The following FGF13 variants were observed in gnomAD, a reference collection of about 807,000 sequenced individuals.
FGF13 encodes fibroblast growth factor 13, also known as fibroblast growth factor homologous factor 2.
A neutral mutation model predicts 19.5 loss-of-function variants in FGF13; 2 were observed. The observed-to-expected ratio is 0.10, with a 90% CI of 0.04 to 0.32. FGF13 has a LOEUF of 0.32. FGF13 is among the 10% of genes least tolerant of loss of function. FGF13 has a pLI of 1.00. For synonymous variants in FGF13, 72 were observed against 76.9 expected (o/e 0.94, Z 0.33); for missense variants, 113 against 192.7 (o/e 0.59, Z 2.45).
At chrX:138,838,051 A>G (rs1267687513) in intron 3 of FGF13, among the ~76,000 whole-genome samples, 2 of 112,115 alleles carry the variant, frequency 1.8e-5, no homozygotes, top group Non-Finnish European at 3.8e-5. Flanking sequence ...AGACTCTCCA[A>G]AGCTTACAGT....
At chrX:138,679,552 A>C (rs2124187707) in intron 3 of FGF13, among the ~76,000 whole-genome samples, 1 of 112,232 alleles carries the variant, frequency 8.9e-6, no homozygotes, top group East Asian at 2.8e-4. Context: ...GTGTCACATG[A>C]ATTTTGCTTT....
chrX:138,691,811 G>C (rs2089841336), intron 3 of FGF13, among the ~76,000 whole-genome samples: 1 of 112,071 alleles, frequency 8.9e-6, no homozygotes, highest in Non-Finnish European at 1.9e-5. Context: ...GTCAAAAGTA[G>C]TTAGCATCAG....
chrX:138,773,109 A>G (rs756972952), intron 3 of FGF13, among the ~76,000 whole-genome samples: 223 of 111,472 alleles, frequency 2.0e-3, no homozygotes, highest in African/African-American at 6.5e-3. Context: ...GAGGTGATTG[A>G]ATGAATGATC....
intron 1 of FGF13, among the ~76,000 whole-genome samples, chrX:138,905,590 T>A (rs766928595): frequency 6.3e-5 from 7 of 111,953 alleles, no homozygotes; most frequent in Non-Finnish European, 1.1e-4. Context: ...CTAGGTGTGA[T>A]TTTGTGGTCT....
chrX:139,085,735 A>C (rs1031200275), intron 1 of FGF13, among the ~76,000 whole-genome samples: 1 of 112,265 alleles, frequency 8.9e-6, no homozygotes, highest in African/African-American at 3.2e-5. Context: ...TGTCAAAAAA[A>C]AGCCTAGTTG....
chrX:138,847,786 C>T lies in FGF13; in HGVS notation c.217+9726G>A, dbSNP rs181885073. On this transcript the variant is annotated intron_variant, in intron 3 of 6. Transcript: ENST00000436198. ...AGAGTCAAGTTTCACATATGGGCTG[C>T]TGTAATCCTTTTATGCTGCAGTAGC... is the stretch of plus-strand genomic sequence containing the variant. 4.5e-5 allele frequency among the ~76,000 whole-genome samples: 5 copies of T among 111,851 alleles called. No homozygotes were observed. In the East Asian group the frequency reaches 1.1e-3, roughly 25 times the overall value.
intron 3 of FGF13, among the ~76,000 whole-genome samples, chrX:138,694,142 G>A (rs747827189): frequency 2.7e-4 from 30 of 111,509 alleles, no homozygotes; most frequent in Non-Finnish European, 4.3e-4. Context: ...TTAGGTCTTC[G>A]ATTGTCACAC....
At chrX:138,940,622 G>A (rs2124272263) in intron 1 of FGF13, among the ~76,000 whole-genome samples, 1 of 111,851 alleles carries the variant, frequency 8.9e-6, no homozygotes, top group African/African-American at 3.2e-5. Flanking sequence ...GTGTAAGGAA[G>A]GGGTCAAGTT....
chrX:139,154,183 G>A (rs904940361), intron 1 of FGF13, among the ~76,000 whole-genome samples: 2 of 111,502 alleles, frequency 1.8e-5, no homozygotes, highest in African/African-American at 6.5e-5. Context: ...AGGTCCCATT[G>A]GTGAGAAAAT....
At chrX:138,920,118 T>C (rs1222306732) in intron 1 of FGF13, among the ~76,000 whole-genome samples, 1 of 110,205 alleles carries the variant, frequency 9.1e-6, no homozygotes, top group East Asian at 2.9e-4. Flanking sequence ...CAAGTGAGAG[T>C]AGGTAATATT....
intron 1 of FGF13, among the ~76,000 whole-genome samples, chrX:139,193,090 G>A (rs2084344818): frequency 9.1e-6 from 1 of 109,789 alleles, no homozygotes. Flanking sequence ...TTAAGTTGGG[G>A]TATGACTGTC....
At chrX:138,916,381 G>T (rs1468371392) in intron 1 of FGF13, among the ~76,000 whole-genome samples, 2 of 111,742 alleles carry the variant, frequency 1.8e-5, no homozygotes, top group African/African-American at 6.5e-5. Context: ...CTAGATCAAA[G>T]AAGAAACAGT....
At chrX:139,014,777 T>C (rs975590035) in intron 1 of FGF13, among the ~76,000 whole-genome samples, 1 of 111,408 alleles carries the variant, frequency 9.0e-6, no homozygotes, top group Non-Finnish European at 1.9e-5. Context: ...ATGAAAACTA[T>C]AGGCCACTAT....
chrX:139,129,645 C>G (rs2083746478), intron 1 of FGF13, among the ~76,000 whole-genome samples: 1 of 111,455 alleles, frequency 9.0e-6, no homozygotes, highest in South Asian at 3.8e-4. Flanking sequence ...AAAATTCTCA[C>G]ATTTCTTTAT....
intron 1 of FGF13, among the ~76,000 whole-genome samples, chrX:139,192,526 T>A (rs1396949870): frequency 8.9e-6 from 1 of 112,236 alleles, no homozygotes; most frequent in Non-Finnish European, 1.9e-5. Context: ...TACAGGTGAT[T>A]CTTTAGGCAA....
intron 1 of FGF13, among the ~76,000 whole-genome samples, chrX:139,188,491 C>A (rs1424532106): frequency 1.8e-5 from 2 of 111,399 alleles, no homozygotes; most frequent in African/African-American, 6.5e-5. Flanking sequence ...AAATCTGTGC[C>A]CTGATACAGA....
At chrX:138,669,628 A>G (rs1204799643) in intron 3 of FGF13, among the ~76,000 whole-genome samples, 3 of 111,223 alleles carry the variant, frequency 2.7e-5, no homozygotes, top group Non-Finnish European at 5.7e-5. Context: ...GTATACTGGA[A>G]ATATTTCACT....
intron 1 of FGF13, among the ~76,000 whole-genome samples, chrX:138,974,645 AG>A (rs2091932661): frequency 8.9e-6 from 1 of 112,286 alleles, no homozygotes. Context: ...CCATAGGAAA[AG>A]AAAGGAAAGA....
At chrX:139,204,978 C>G (rs1337624352), upstream of FGF13, 1 of 112,482 alleles carries the variant, frequency 8.9e-6, no homozygotes, top group Non-Finnish European at 1.9e-5. Flanking sequence ...CCCGCTCCCT[C>G]GCTCGCGCTC....
Sources: allele counts gnomAD v4.1 joint callset (sites outside exome capture counted in the v4.1 genomes callset), GRCh38; gene constraint gnomAD v4.1.1; transcripts MANE v1.5; gene names NCBI Gene and HGNC (gene_info 2026-07-23, HGNC 2026-07-21).